The following MMP16 variants were observed in gnomAD, a reference collection of about 807,000 sequenced individuals.
The protein encoded by MMP16 is matrix metallopeptidase 16.
Under a neutral mutation model 67.8 loss-of-function variants are expected in MMP16, and 12 were observed. The observed-to-expected ratio is 0.18, with a 90% confidence interval of 0.11 to 0.29. MMP16 has a LOEUF of 0.29. Ranked by LOEUF, MMP16 falls within the 10% of genes least tolerant of loss-of-function variation. The probability of loss-of-function intolerance (pLI) is 1.00; values close to 1 mark genes in which losing one functional copy is unlikely to be tolerated. For synonymous variants in MMP16, 249 were observed against 255.9 expected, an observed-to-expected ratio of 0.97 and a Z score of 0.26; for missense variants, 475 against 765.7, an observed-to-expected ratio of 0.62 and a Z score of 4.48.
intron 6 of MMP16, among the ~76,000 whole-genome samples, chr8:88,105,779 G>A (rs1279120728): frequency 6.6e-6 from 1 of 151,138 alleles, no homozygotes; most frequent in African/African-American, 2.4e-5. Flanking sequence ...AAAGATTAAA[G>A]ACACAGATGC....
chr8:88,140,836 G>A (rs1586171628), intron 4 of MMP16, among the ~76,000 whole-genome samples: 1 of 152,162 alleles, frequency 6.6e-6, no homozygotes, highest in East Asian at 1.9e-4. Flanking sequence ...TGCAAAATCA[G>A]ACTCTGCGCT....
chr8:88,288,802 C>G (rs923175918), intron 1 of MMP16, among the ~76,000 whole-genome samples: 6 of 152,086 alleles, frequency 3.9e-5, no homozygotes, highest in Non-Finnish European at 7.4e-5. Flanking sequence ...AGGAAATAAT[C>G]AGTGATGTAG....
intron 1 of MMP16, among the ~76,000 whole-genome samples, chr8:88,302,664 G>A (rs1811121931): frequency 6.6e-6 from 1 of 152,168 alleles, no homozygotes; most frequent in South Asian, 2.1e-4. Context: ...TGCAGAAGTG[G>A]AAGGGGAAAC....
chr8:88,167,585 C>T, intron 4 of MMP16, 84 bp downstream of exon 4: 2 of 1,336,832 alleles, frequency 1.5e-6, no homozygotes, highest in Non-Finnish European at 2.0e-6. Flanking sequence ...GGATCTATAC[C>T]TTAAGTTTGT....
intron 1 of MMP16, among the ~76,000 whole-genome samples, chr8:88,226,560 T>C (rs1809772197): frequency 6.6e-6 from 1 of 152,126 alleles, no homozygotes; most frequent in Admixed American, 6.6e-5. Flanking sequence ...GTTTTAGTTT[T>C]TTAAAATCAT....
intron 1 of MMP16, among the ~76,000 whole-genome samples, chr8:88,198,467 T>C (rs965112971): frequency 6.6e-5 from 10 of 152,262 alleles, no homozygotes; most frequent in Middle Eastern, 3.4e-3. Flanking sequence ...GACCATCCTA[T>C]GAAATTGTAG....
At chr8:88,074,450 A>G (rs1407276464) in intron 7 of MMP16, among the ~76,000 whole-genome samples, 155 bp downstream of exon 7, 1 of 152,196 alleles carries the variant, frequency 6.6e-6, no homozygotes, top group Non-Finnish European at 1.5e-5. Context: ...AAAATAAAAA[A>G]TGAAAATTAT....
intron 1 of MMP16, among the ~76,000 whole-genome samples, chr8:88,282,084 G>T (rs866474233): frequency 0.045 from 725 of 16,290 alleles, 20 homozygotes; most frequent in African/African-American, 0.069. Flanking sequence ...TTCTTTTTTG[G>T]GGGGGGGGGG....
chr8:88,274,301 A>G (rs1810611329), intron 1 of MMP16, among the ~76,000 whole-genome samples: 1 of 152,118 alleles, frequency 6.6e-6, no homozygotes, highest in Admixed American at 6.5e-5. Flanking sequence ...GAATTTAAAT[A>G]TGCTTCTAAG....
At chr8:88,203,104 C>CTTTTTTT (rs33928858) in intron 1 of MMP16, among the ~76,000 whole-genome samples, 1 of 123,166 alleles carries the variant, frequency 8.1e-6, no homozygotes, top group Non-Finnish European at 1.6e-5. Context: ...ACCAGAACTT[C>CTTTTTTT]TTTTTTTTTT....
intron 9 of MMP16, among the ~76,000 whole-genome samples, chr8:88,045,013 A>G (rs960314216): frequency 4.6e-5 from 7 of 152,062 alleles, no homozygotes; most frequent in African/African-American, 1.4e-4. Flanking sequence ...GTTATGTTTT[A>G]ATCTTAGTCT....
chr8:88,248,813 T>C (rs1319197534), intron 1 of MMP16, among the ~76,000 whole-genome samples: 2 of 151,516 alleles, frequency 1.3e-5, no homozygotes, highest in Non-Finnish European at 2.9e-5. Flanking sequence ...AAAAAATTAC[T>C]GTTTCCCAAT....
chr8:88,280,167 C>T (rs566172125), intron 1 of MMP16, among the ~76,000 whole-genome samples: 6 of 152,190 alleles, frequency 3.9e-5, no homozygotes, highest in Non-Finnish European at 8.8e-5. Context: ...AATTTGTGCA[C>T]TTATGGTCTG....
At chr8:88,107,656 A>G (rs1809265704) in intron 6 of MMP16, among the ~76,000 whole-genome samples, 1 of 151,194 alleles carries the variant, frequency 6.6e-6, no homozygotes, top group Non-Finnish European at 1.5e-5. Context: ...GTGCTACAAT[A>G]AAGTTCTAAC....
At position 88,311,003 on chromosome 8, in the gene MMP16, C is replaced by G. The variant is rs539328240; in HGVS notation, c.132+16072G>C. Among the ~76,000 whole-genome samples, 3 of 152,166 alleles carry G rather than the reference C, an allele frequency of 2.0e-5. No individual in the cohort carries two copies. In the East Asian group the frequency reaches 5.8e-4, roughly 29 times the overall value. ...TTTTAAGGTCCCTTAGTCTTGCATA[C>G]AGATGCCGCTATCTGCCTTTGAAGT... is the stretch of plus-strand genomic sequence containing the variant. On this transcript the variant is annotated intron_variant, in intron 1 of 9. Coordinates refer to ENST00000286614, the MANE Select transcript of MMP16 (RefSeq NM_005941.5).
rs183065202 is a variant in MMP16 at position 88,089,077 on chromosome 8, T to C, written c.1084-14334A>G. On this transcript the variant is annotated intron_variant, in intron 6 of 9. Coordinates refer to ENST00000286614, the MANE Select transcript of MMP16 (RefSeq NM_005941.5). ...AGATAAATAAAACAAAATTGGTGTA[T>C]AAAATTTGAAACTTTGTGAATGTAT... 8.4e-4 allele frequency among the ~76,000 whole-genome samples: 128 copies of C among 152,146 alleles called. 2 individuals are homozygous for C. In the East Asian group the frequency reaches 0.016, roughly 19 times the overall value.
chr8:88,229,648 C>T (rs1809827721), intron 1 of MMP16, among the ~76,000 whole-genome samples: 1 of 151,802 alleles, frequency 6.6e-6, no homozygotes, highest in African/African-American at 2.4e-5. Flanking sequence ...TCCAGAGGCA[C>T]CCAGTCAGTG....
chr8:88,251,416 G>A (rs2129925422), intron 1 of MMP16, among the ~76,000 whole-genome samples: 1 of 148,296 alleles, frequency 6.7e-6, no homozygotes, highest in South Asian at 2.2e-4. Flanking sequence ...TTAATAAATG[G>A]TGCTGCGAAA....
intron 1 of MMP16, among the ~76,000 whole-genome samples, chr8:88,308,675 T>A (rs1212023031): frequency 6.6e-6 from 1 of 152,060 alleles, no homozygotes; most frequent in Non-Finnish European, 1.5e-5. Flanking sequence ...CAAAGATTCA[T>A]GCACATAAAA....
Sources: allele counts gnomAD v4.1 joint callset (sites outside exome capture counted in the v4.1 genomes callset), GRCh38; gene constraint gnomAD v4.1.1; transcripts MANE v1.5; gene names NCBI Gene and HGNC (gene_info 2026-07-23, HGNC 2026-07-21).